Variants in CCR7 observed in about 807,000 individuals in gnomAD.
CCR7 encodes the protein C-C motif chemokine receptor 7.
In CCR7, 11 loss-of-function variants were observed where a neutral mutation model predicts 26.0. That is an observed-to-expected ratio of 0.42 (90% CI 0.27 to 0.70). CCR7 has a LOEUF of 0.70. CCR7 is among the 30% of genes least tolerant of loss of function. The pLI, the probability that CCR7 is intolerant of heterozygous loss-of-function variation, is 0.23. For missense variants in CCR7, 360 were observed against 504.0 expected (o/e 0.71, Z 2.74); for synonymous variants, 189 against 202.1 (o/e 0.94, Z 0.55).
chr17:40,556,937 C>G (rs1291023608), intron 2 of CCR7, among the ~76,000 whole-genome samples: 2 of 152,130 alleles, frequency 1.3e-5, no homozygotes, highest in Non-Finnish European at 1.5e-5. Context: ...TCTTAGCACC[C>G]AGCAGGAGCT....
intron 1 of CCR7, among the ~76,000 whole-genome samples, chr17:40,563,084 T>A (rs3136686): frequency 0.099 from 15,077 of 152,150 alleles, 2,483 homozygotes; most frequent in African/African-American, 0.34. Flanking sequence ...AGGTTCACTA[T>A]TCCCTTCTTG....
chr17:40,565,378 T>C (rs1457226240), intron 1 of CCR7, 22 bp downstream of exon 1: 1 of 1,608,406 alleles, frequency 6.2e-7, no homozygotes, highest in South Asian at 1.1e-5. Flanking sequence ...CTGTTCCTTC[T>C]CACATGAAGA....
chr17:40,560,326 G>C (rs2036640453), intron 1 of CCR7, among the ~76,000 whole-genome samples: 1 of 152,226 alleles, frequency 6.6e-6, no homozygotes, highest in Admixed American at 6.5e-5. Context: ...AGTGAAGGCA[G>C]GCCCTTGGCA....
In CCR7 at chr17:40,558,925, C is replaced by T. The variant is rs762121218; in HGVS notation, c.28G>A (p.Val10Met). ...ATGACAAGGAGAGCCACCACCAGCACGCTTTTCATTGGTTTCCCTGTAGGA... is the reference window on the plus strand; with the variant it reads ...ATGACAAGGAGAGCCACCACCAGCATGCTTTTCATTGGTTTCCCTGTAGGA... MDLGKPMKSVLVVALLVIFQ... is the reference protein window; with the variant it reads MDLGKPMKSMLVVALLVIFQ... Residue 10 changes from valine to methionine, a missense_variant, in exon 2 of 3, where the codon GTG (valine) becomes ATG (methionine). Val to Met is a conservative substitution (Grantham distance 21). Coordinates refer to ENST00000246657, the MANE Select transcript of CCR7 (RefSeq NM_001838.4). 57 of 1,612,878 alleles carry T rather than the reference C, an allele frequency of 3.5e-5. No individual in the cohort carries two copies. The highest frequency in any genetic ancestry group is 6.7e-5 in the Admixed American group (4 of 59,770).
At chr17:40,563,606 C>T (rs1020478709) in intron 1 of CCR7, among the ~76,000 whole-genome samples, 8 of 152,090 alleles carry the variant, frequency 5.3e-5, no homozygotes, top group Non-Finnish European at 1.0e-4. Context: ...CCTCCAAGGC[C>T]CACCCACCCC....
Position 40,555,662 on chromosome 17 carries a change from G to A in CCR7, c.217C>T (p.Leu73=). The A allele has an allele frequency of 1.2e-6, 2 of 1,614,154 alleles. No individual in the cohort carries two copies. The highest frequency in any genetic ancestry group is 1.7e-6 in the Non-Finnish European group (2 of 1,180,036). Residue 73 remains leucine (L), a synonymous_variant, in exon 3 of 3, where the codon CTA becomes TTA. Transcript: ENST00000246657. This position sits in a 1 kb window ranked among gnomAD's most constrained non-coding sequence, Gnocchi z 5.6. ...IMYSIICFVG[L]LGNGLVVLTY... ...AACACGACCAGCCCATTGCCCAGTAGGCCCACGAAACAAATGATGGAGTAC... is the reference window on the plus strand; with the variant it reads ...AACACGACCAGCCCATTGCCCAGTAAGCCCACGAAACAAATGATGGAGTAC...
chr17:40,555,576 C>T lies in CCR7; in HGVS notation c.303G>A (p.Ala101=), dbSNP rs897792209. ...TCAGGAGGAAGAGGATGTCTGCCAC[C>T]GCCAGGTTGAGCAGGTAGGTATCGG... is the stretch of plus-strand genomic sequence containing the variant. ...TMTDTYLLNL[A]VADILFLLTL... The change falls in exon 3 of 3, where the codon GCG becomes GCA. Residue 101 remains alanine, a synonymous_variant. Transcript: ENST00000246657. The surrounding 1 kb of genome is among the most constrained non-coding windows in gnomAD (Gnocchi z 5.6). The T allele has an allele frequency of 2.4e-5, 38 of 1,613,938 alleles. No individual in the cohort carries two copies. In the African/African-American group the frequency reaches 2.4e-4, roughly 10 times the overall value.
intron 1 of CCR7, among the ~76,000 whole-genome samples, chr17:40,564,703 G>A (rs2036690345): frequency 6.6e-6 from 1 of 152,168 alleles, no homozygotes; most frequent in Non-Finnish European, 1.5e-5. Flanking sequence ...CAGGGGCAGG[G>A]GCTGTGCTGA....
Position 40,554,963 on chromosome 17 carries a change from T to G in CCR7, c.916A>C (p.Ile306Leu). The change falls in exon 3 of 3, where the codon ATC (isoleucine) becomes CTC (leucine). Residue 306 changes from isoleucine (I) to leucine (L), a missense_variant. Physicochemically the swap from Ile to Leu is conservative, Grantham distance 5. Coordinates refer to ENST00000246657, the MANE Select transcript of CCR7 (RefSeq NM_001838.4). ...STCELSKQLN[I>L]AYDVTYSLAC... ...AGGCTGTAGGTGACGTCGTAGGCGA[T>G]GTTGAGTTGCTTACTGAGCTCACAG... is the stretch of plus-strand genomic sequence containing the variant. 1 of 1,614,144 alleles carries G rather than the reference T, an allele frequency of 6.2e-7. No individual in the cohort carries two copies. The highest frequency in any genetic ancestry group is 1.1e-5 in the South Asian group (1 of 91,084).
intron 1 of CCR7, among the ~76,000 whole-genome samples, chr17:40,563,051 C>T (rs2036671105): frequency 6.6e-6 from 1 of 152,148 alleles, no homozygotes; most frequent in Non-Finnish European, 1.5e-5. Flanking sequence ...CTTGAAAACC[C>T]ACCTTAAATA....
At chr17:40,557,871 G>C (rs1358276452) in intron 2 of CCR7, among the ~76,000 whole-genome samples, 1 of 152,226 alleles carries the variant, frequency 6.6e-6, no homozygotes, top group Non-Finnish European at 1.5e-5. Flanking sequence ...AGCCTCAGCT[G>C]TCCTCCTCCC....
chr17:40,564,681 G>A (rs1398921833), intron 1 of CCR7, among the ~76,000 whole-genome samples: 3 of 152,200 alleles, frequency 2.0e-5, no homozygotes, highest in Non-Finnish European at 2.9e-5. Context: ...GGCAGAGTGC[G>A]TGAGGTTTGC....
chr17:40,555,155 A>G lies in CCR7; in HGVS notation c.724T>C (p.Cys242Arg). Residue 242 changes from cysteine to arginine, a missense_variant, in exon 3 of 3, where the codon TGT becomes CGT. Physicochemically the swap from Cys to Arg is radical, Grantham distance 180. Coordinates refer to ENST00000246657, the MANE Select transcript of CCR7 (RefSeq NM_001838.4). This position sits in a 1 kb window ranked among gnomAD's most constrained non-coding sequence, Gnocchi z 5.6. ...AGGGTGCGGATGATGACAAGGTAAC[A>G]GAAGCTCATGGCCAGCAGGGGGACC... The part of the protein sequence containing the change: ...FLVPLLAMSF[C>R]YLVIIRTLLQ... 6.2e-7 allele frequency: 1 copy of G among 1,614,210 alleles called. No homozygotes were observed. The highest frequency in any genetic ancestry group is 8.5e-7 in the Non-Finnish European group (1 of 1,180,032).
chr17:40,562,388 G>GC (rs1567831401), intron 1 of CCR7, among the ~76,000 whole-genome samples: 1 of 152,124 alleles, frequency 6.6e-6, no homozygotes, highest in East Asian at 1.9e-4. Flanking sequence ...TGAGCCTGCT[G>GC]CATCTAGGAC....
At chr17:40,558,505 A>G (rs1442473602) in intron 2 of CCR7, among the ~76,000 whole-genome samples, 3 of 152,222 alleles carry the variant, frequency 2.0e-5, no homozygotes, top group Non-Finnish European at 4.4e-5. Flanking sequence ...GATAGTAACA[A>G]GATCGCCAGA....
Position 40,554,803 on chromosome 17 carries a change from C to A in CCR7, c.1076G>T (p.Arg359Leu). Residue 359 changes from arginine (R) to leucine (L), a missense_variant, in exon 3 of 3, where the codon CGG (arginine) becomes CTG (leucine). Transcript: ENST00000246657. ...QEQLRQWSSC[R>L]HIRRSSMSVE... is the part of the protein sequence containing the mutation. ...ACTCATGGAGGAGCGCCGGATGTGCCGACAGGAAGACCACTGCCGGAGCTG... is the reference window on the plus strand; with the variant it reads ...ACTCATGGAGGAGCGCCGGATGTGCAGACAGGAAGACCACTGCCGGAGCTG... 1 of 1,614,040 alleles carries A rather than the reference C, an allele frequency of 6.2e-7. No individual in the cohort carries two copies. Among genetic ancestry groups the A allele is most frequent in the Admixed American group, 1.7e-5 (1 of 60,010 alleles).
rs1214374605 is a variant in CCR7, at chr17:40,555,798, C to G, written c.81G>C (p.Glu27Asp). ...TGTCTCCGATGTAATCGTCCGTGAC[C>G]TCATCTTGACACAGGCATACCTTCG... ...VIFQVCLCQD[E>D]VTDDYIGDNT... The change falls in exon 3 of 3, where the codon GAG becomes GAC. Residue 27 changes from glutamate to aspartate, a missense_variant. Glu to Asp is a conservative substitution (Grantham distance 45). Transcript: ENST00000246657. The surrounding 1 kb of genome is among the most constrained non-coding windows in gnomAD (Gnocchi z 5.6). The G allele has an allele frequency of 1.2e-6, 2 of 1,613,110 alleles. No individual in the cohort carries two copies. Among genetic ancestry groups the G allele is most frequent in the Admixed American group, 1.7e-5 (1 of 59,992 alleles).
Position 40,554,769 on chromosome 17 carries a change from G to A in CCR7, c.1110C>T (p.Ala370=), listed in dbSNP as rs762029652. The A allele has an allele frequency of 2.3e-5, 37 of 1,612,006 alleles. No homozygotes were observed. The highest frequency in any genetic ancestry group is 1.6e-4 in the Middle Eastern group (1 of 6,078). ...HIRRSSMSVE[A]ETTTTFSP ...ATGGGGAGAAGGTGGTGGTGGTCTCGGCCTCCACACTCATGGAGGAGCGCC... is the reference window on the plus strand; with the variant it reads ...ATGGGGAGAAGGTGGTGGTGGTCTCAGCCTCCACACTCATGGAGGAGCGCC... Residue 370 remains alanine, a synonymous_variant, in exon 3 of 3, where the codon GCC becomes GCT. Coordinates refer to ENST00000246657, the MANE Select transcript of CCR7 (RefSeq NM_001838.4).
chr17:40,559,184 G>A (rs1382387885), intron 1 of CCR7, among the ~76,000 whole-genome samples: 1 of 152,176 alleles, frequency 6.6e-6, no homozygotes, highest in Non-Finnish European at 1.5e-5. Context: ...AGCAGCATCA[G>A]AATGCAGGGC....
Sources: gnomAD v4.1 joint callset for allele counts (sites outside exome capture counted in the v4.1 genomes callset) on GRCh38, gnomAD v4.1.1 for gene constraint, Gnocchi (gnomAD v3.1) non-coding constraint, MANE v1.5 for transcripts, NCBI Gene and HGNC (gene_info 2026-07-23, HGNC 2026-07-21) for gene names.